The following MDGA2 variants were observed in gnomAD, a reference collection of about 807,000 sequenced individuals.
The protein encoded by MDGA2 is MAM domain containing glycosylphosphatidylinositol anchor 2.
MDGA2 carries 40 observed loss-of-function variants against 117.8 expected under a neutral mutation model. The observed-to-expected ratio is 0.34, with a 90% CI of 0.26 to 0.44. The LOEUF (loss-of-function observed/expected upper bound fraction) is 0.44. Ranked by LOEUF, MDGA2 falls within the 20% of genes least tolerant of loss-of-function variation. The pLI is 1.00. For missense variants in MDGA2, 1,123 were observed against 1,250.6 expected, an observed-to-expected ratio of 0.90 and a Z score of 1.54; for synonymous variants, 452 against 439.0, an observed-to-expected ratio of 1.03 and a Z score of -0.37.
In MDGA2 at chr14:47,370,701, C is replaced by T. The variant is rs548142788; in HGVS notation, c.281-69151G>A. 3.3e-4 allele frequency among the ~76,000 whole-genome samples: 50 copies of T among 151,260 alleles called. 2 individuals are homozygous for T. The South Asian group carries it at 0.01, about 31-fold the overall frequency. On this transcript the variant is annotated intron_variant, in intron 1 of 16. Coordinates refer to ENST00000399232, the MANE Select transcript of MDGA2 (RefSeq NM_001113498.3). ...CACAGCTTATATTTATTTCTTTTCT[C>T]TTTTTGCTCTGTCAGTATCCTCTCT...
At chr14:47,055,002 C>CTTTTTT (rs10640408) in intron 7 of MDGA2, among the ~76,000 whole-genome samples, 7 of 125,664 alleles carry the variant, frequency 5.6e-5, no homozygotes, top group African/African-American at 9.1e-5. Flanking sequence ...TTTTTCTTTT[C>CTTTTTT]TTTTTTTTTT....
chr14:47,280,794 C>G (rs1006938733), intron 2 of MDGA2, among the ~76,000 whole-genome samples: 1 of 151,870 alleles, frequency 6.6e-6, no homozygotes, highest in Non-Finnish European at 1.5e-5. Context: ...CCCCTATCCT[C>G]CCTCTCACCT....
intron 14 of MDGA2, among the ~76,000 whole-genome samples, chr14:46,873,068 T>A (rs1882077956): frequency 6.6e-6 from 1 of 151,992 alleles, no homozygotes; most frequent in Non-Finnish European, 1.5e-5. Context: ...CATGACAATA[T>A]TACTTTTCAT....
chr14:47,101,692 C>T (rs1461376299), intron 5 of MDGA2, among the ~76,000 whole-genome samples: 1 of 152,148 alleles, frequency 6.6e-6, no homozygotes, highest in Non-Finnish European at 1.5e-5. Context: ...GAAATATATG[C>T]CTGTCAAAGG....
intron 2 of MDGA2, among the ~76,000 whole-genome samples, chr14:47,239,422 G>A (rs980968220): frequency 2.6e-5 from 4 of 151,650 alleles, no homozygotes; most frequent in Admixed American, 2.6e-4. Context: ...AACTTTCTAA[G>A]GGATGAGAAA....
chr14:47,050,936 C>T (rs1426353058), intron 7 of MDGA2, among the ~76,000 whole-genome samples: 1 of 151,764 alleles, frequency 6.6e-6, no homozygotes, highest in African/African-American at 2.4e-5. Context: ...AATCTTGTGC[C>T]CCATGATCAA....
chr14:47,625,448 CA>C (rs1340575644), intron 1 of MDGA2, among the ~76,000 whole-genome samples: 1 of 152,174 alleles, frequency 6.6e-6, no homozygotes, highest in African/African-American at 2.4e-5. Context: ...CTGATGCTCA[CA>C]ATATCACCCT....
intron 7 of MDGA2, among the ~76,000 whole-genome samples, chr14:47,052,046 C>T (rs115615632): frequency 0.032 from 4,841 of 151,858 alleles, 261 homozygotes; most frequent in African/African-American, 0.11. Flanking sequence ...TCTTTATCAG[C>T]GAATGGAGAT....
intron 1 of MDGA2, among the ~76,000 whole-genome samples, chr14:47,424,092 C>T (rs1892636110): frequency 6.6e-6 from 1 of 152,130 alleles, no homozygotes; most frequent in African/African-American, 2.4e-5. Context: ...GGATTATAGG[C>T]ATGAGCCACC....
chr14:46,961,936 C>T (rs953135362), intron 8 of MDGA2, among the ~76,000 whole-genome samples: 12 of 152,084 alleles, frequency 7.9e-5, no homozygotes, highest in African/African-American at 2.4e-4. Context: ...GCCACCGCAC[C>T]GGGCCACTGC....
intron 8 of MDGA2, among the ~76,000 whole-genome samples, chr14:46,992,201 G>A (rs933299639): frequency 7.9e-5 from 12 of 152,016 alleles, no homozygotes; most frequent in Admixed American, 1.3e-4. Context: ...ATGAACATAA[G>A]CAAAAGAAAG....
At chr14:47,217,879 G>A (rs1054921892) in intron 3 of MDGA2, 142 bp downstream of exon 3, 11 of 574,286 alleles carry the variant, frequency 1.9e-5, no homozygotes, top group East Asian at 6.5e-5. Flanking sequence ...CTTCAGGAAC[G>A]TTTTAAGGGA....
chr14:47,540,711 C>T (rs1267754936), intron 1 of MDGA2, among the ~76,000 whole-genome samples: 2 of 151,384 alleles, frequency 1.3e-5, no homozygotes, highest in East Asian at 2.0e-4. Flanking sequence ...CAGGTATGCA[C>T]CCCCATGCCT....
At chr14:47,163,368 T>C (rs1883721979) in intron 3 of MDGA2, among the ~76,000 whole-genome samples, 1 of 152,090 alleles carries the variant, frequency 6.6e-6, no homozygotes, top group Admixed American at 6.5e-5. Context: ...TTCCCAATGT[T>C]AGGGGAGGGA....
chr14:47,274,335 TG>T (rs570626995), intron 2 of MDGA2, among the ~76,000 whole-genome samples: 29 of 152,088 alleles, frequency 1.9e-4, no homozygotes, highest in Non-Finnish European at 3.8e-4. Context: ...GTATGCACGA[TG>T]TTTTTTTTTA....
intron 1 of MDGA2, among the ~76,000 whole-genome samples, chr14:47,351,944 T>C (rs1890894241): frequency 1.4e-5 from 2 of 140,898 alleles, no homozygotes; most frequent in South Asian, 4.6e-4. Context: ...CACACAAACA[T>C]ATATATATAC....
At chr14:47,304,462 C>G (rs1456688788) in intron 1 of MDGA2, among the ~76,000 whole-genome samples, 1 of 152,030 alleles carries the variant, frequency 6.6e-6, no homozygotes, top group East Asian at 1.9e-4. Flanking sequence ...GTATAAAAAA[C>G]TATTGAGAAA....
At chr14:47,612,245 T>C (rs140777904) in intron 1 of MDGA2, among the ~76,000 whole-genome samples, 1 of 152,118 alleles carries the variant, frequency 6.6e-6, no homozygotes, top group African/African-American at 2.4e-5. Flanking sequence ...GATAGATAGA[T>C]AGATAGATAG....
intron 5 of MDGA2, among the ~76,000 whole-genome samples, chr14:47,127,505 A>G (rs764742404): frequency 1.3e-5 from 2 of 152,186 alleles, no homozygotes; most frequent in Non-Finnish European, 2.9e-5. Flanking sequence ...AGTATGAAGC[A>G]TATGACATGT....
Sources: allele counts gnomAD v4.1 joint callset (sites outside exome capture counted in the v4.1 genomes callset), GRCh38; gene constraint gnomAD v4.1.1; transcripts MANE v1.5; gene names NCBI Gene and HGNC (gene_info 2026-07-23, HGNC 2026-07-21).